The following G3BP1 variants were observed in gnomAD, a reference collection of about 807,000 sequenced individuals.
The protein encoded by G3BP1 is G3BP stress granule assembly factor 1, also known as ras GTPase-activating protein-binding protein 1.
G3BP1 carries 35 observed loss-of-function variants against 58.6 expected under a neutral mutation model. That is an observed-to-expected ratio of 0.60 (90% CI 0.46 to 0.79). The LOEUF is 0.79. Ranked by LOEUF, G3BP1 falls within the 30% of genes least tolerant of loss-of-function variation. G3BP1 has a pLI of 0.00. For missense variants in G3BP1, 523 were observed against 580.8 expected (o/e 0.90, Z 1.02); for synonymous variants, 191 against 195.4 (o/e 0.98, Z 0.19).
intron 1 of G3BP1, among the ~76,000 whole-genome samples, chr5:151,781,404 A>G (rs537581744): frequency 6.6e-6 from 1 of 152,342 alleles, no homozygotes; most frequent in East Asian, 1.9e-4. Flanking sequence ...TCTGCTTACA[A>G]CACTGTGTGA....
At position 151,807,705 on chromosome 5, in the gene G3BP1, C is replaced by T. The variant is rs910943835; in HGVS notation, c.*3614C>T. ...TAAACTGTCACCTTCTGATACTTTT[C>T]TTCATCCCTCTATTTGAAAAACCCT... On this transcript the variant is annotated 3_prime_UTR_variant, in exon 12 of 12. Coordinates refer to ENST00000356245, the MANE Select transcript of G3BP1 (RefSeq NM_005754.3). 8 of 152,012 alleles carry T rather than the reference C, an allele frequency of 5.3e-5. No individual in the cohort carries two copies. 9.4% of individuals were successfully genotyped at this position (152,012 alleles called of 1,614,324 possible). A position where few individuals can be genotyped will look rare whatever the true frequency, so the allele number is the denominator to read the frequency against.
At chr5:151,777,890 C>T (rs1319049059) in intron 1 of G3BP1, among the ~76,000 whole-genome samples, 2 of 148,740 alleles carry the variant, frequency 1.3e-5, no homozygotes, top group Non-Finnish European at 2.9e-5. Flanking sequence ...GATTACTTTG[C>T]GTTTTTTAGA....
chr5:151,802,691 T>C (rs1440114246), intron 11 of G3BP1, among the ~76,000 whole-genome samples: 1 of 152,210 alleles, frequency 6.6e-6, no homozygotes, highest in Non-Finnish European at 1.5e-5. Context: ...CCCAGCACTT[T>C]GGGAGGCCGA....
chr5:151,786,098 C>G (rs1196208778), intron 1 of G3BP1, among the ~76,000 whole-genome samples: 1 of 152,156 alleles, frequency 6.6e-6, no homozygotes, highest in Non-Finnish European at 1.5e-5. Flanking sequence ...TTGAGACCAG[C>G]CTGGATAACA....
At chr5:151,778,261 T>C (rs1229610848) in intron 1 of G3BP1, among the ~76,000 whole-genome samples, 1 of 152,200 alleles carries the variant, frequency 6.6e-6, no homozygotes, top group Non-Finnish European at 1.5e-5. Context: ...GCTAACAGTG[T>C]GTATGGTCAG....
chr5:151,797,467 A>T lies in G3BP1; in HGVS notation c.741+39A>T, dbSNP rs370787939. 1.7e-5 allele frequency: 27 copies of T among 1,552,138 alleles called. No individual in the cohort carries two copies. In the African/African-American group the frequency reaches 2.8e-4, roughly 16 times the overall value. The stretch of plus-strand genomic sequence containing the variant: ...CTTCATTTTTATTCTATTCCTAGTT[A>T]TTTTTTTTAAAAAAAGTTTCTGTTC... On this transcript the variant is annotated intron_variant, in intron 7 of 11. Coordinates refer to ENST00000356245, the MANE Select transcript of G3BP1 (RefSeq NM_005754.3).
intron 10 of G3BP1, 43 bp from the exon 11 acceptor site, chr5:151,800,717 A>G (rs770829365): frequency 1.7e-6 from 2 of 1,168,080 alleles, no homozygotes; most frequent in African/African-American, 3.0e-5. Flanking sequence ...ATGTTTAAAG[A>G]TAATGGTCTA....
Position 151,797,308 on chromosome 5 carries a change from A to G in G3BP1, c.621A>G (p.Val207=), listed in dbSNP as rs767246139. The G allele has an allele frequency of 1.9e-6, 3 of 1,613,580 alleles. No homozygotes were observed. Among genetic ancestry groups the G allele is most frequent in the Non-Finnish European group, 2.5e-6 (3 of 1,179,606 alleles). The change falls in exon 7 of 12, where the codon GTA becomes GTG. Residue 207 remains valine, a synonymous_variant. Transcript: ENST00000356245. ...AACCAGAACCAGAACAAGAACCTGT[A>G]TCTGAAATCCAAGAGGAAAAGCCTG... ...DPEPEPEQEP[V]SEIQEEKPEP... is the part of the protein sequence containing the mutation.
chr5:151,795,457 T>A, intron 5 of G3BP1, 22 bp from the exon 6 acceptor site: 1 of 1,270,818 alleles, frequency 7.9e-7, no homozygotes, highest in Non-Finnish European at 1.1e-6. Flanking sequence ...CAAATTACTT[T>A]AAATATCTTT....
chr5:151,799,070 G>T, intron 7 of G3BP1, 142 bp from the exon 8 acceptor site: 1 of 587,980 alleles, frequency 1.7e-6, no homozygotes, highest in Admixed American at 3.2e-5. Context: ...TGAAAGAGAA[G>T]AATCTTAATA....
At chr5:151,788,078 C>T (rs1420225873) in intron 2 of G3BP1, among the ~76,000 whole-genome samples, 5 of 152,048 alleles carry the variant, frequency 3.3e-5, no homozygotes, top group African/African-American at 1.2e-4. Flanking sequence ...TGCAATCCAC[C>T]ACGCCCAGCT....
chr5:151,776,601 A>G (rs776556166), intron 1 of G3BP1, among the ~76,000 whole-genome samples: 1 of 152,072 alleles, frequency 6.6e-6, no homozygotes, highest in Non-Finnish European at 1.5e-5. Flanking sequence ...CTTCTACAGT[A>G]TAAATTTTCT....
rs1762936846 is a variant in G3BP1, at chr5:151,806,225, G to T, written c.*2134G>T. The T allele has an allele frequency of 6.6e-6, 1 of 152,192 alleles. No homozygotes were observed. The allele number at this position is 152,192 out of a possible 1,614,324, so 9.4% of individuals were successfully genotyped here. On this transcript the variant is annotated 3_prime_UTR_variant, in exon 12 of 12. Transcript: ENST00000356245. ...AACTGGAATGAAGACTCATTCTTTTGAAACTCAGCCTCAGATAAATAACAA... is the reference window on the plus strand; with the variant it reads ...AACTGGAATGAAGACTCATTCTTTTTAAACTCAGCCTCAGATAAATAACAA...
In G3BP1 at chr5:151,810,005, C is replaced by T. The variant is rs1762994649; in HGVS notation, c.*5914C>T. On this transcript the variant is annotated 3_prime_UTR_variant, in exon 12 of 12. Coordinates refer to ENST00000356245, the MANE Select transcript of G3BP1 (RefSeq NM_005754.3). The stretch of plus-strand genomic sequence containing the variant: ...ACTCAGCTGTAATTTCTCCTAAATA[C>T]TTCAGCATTTTGCATTCTGTACATT... 6.6e-6 allele frequency: 1 copy of T among 152,188 alleles called. No homozygotes were observed. Among genetic ancestry groups the T allele is most frequent in the African/African-American group, 2.4e-5 (1 of 41,446 alleles). The allele number at this position is 152,188 out of a possible 1,614,324, so 9.4% of individuals were successfully genotyped here.
At chr5:151,790,600 A>G (rs949959884) in intron 3 of G3BP1, among the ~76,000 whole-genome samples, 196 bp downstream of exon 3, 1 of 152,212 alleles carries the variant, frequency 6.6e-6, no homozygotes, top group Non-Finnish European at 1.5e-5. Flanking sequence ...TTAATTTTGT[A>G]TGATATATTC....
Position 151,805,440 on chromosome 5 carries a change from G to C in G3BP1, c.*1349G>C, listed in dbSNP as rs557941889. The C allele has an allele frequency of 3.3e-5, 5 of 152,528 alleles. No individual in the cohort carries two copies. In the South Asian group the frequency reaches 1.0e-3, roughly 32 times the overall value. The allele number at this position is 152,528 out of a possible 1,614,324, so 9.4% of individuals were successfully genotyped here. On this transcript the variant is annotated 3_prime_UTR_variant, in exon 12 of 12. Transcript: ENST00000356245. ...AGATGGGTGAAGGTTTTGTTTACAC[G>C]TGTGAAACAAACTTTTGTGTGATTG...
chr5:151,793,452 A>G (rs1162179154), intron 4 of G3BP1, among the ~76,000 whole-genome samples: 5 of 152,166 alleles, frequency 3.3e-5, no homozygotes, highest in Admixed American at 2.6e-4. Flanking sequence ...GGGCTGTGGC[A>G]TTTACATGCT....
At position 151,804,091 on chromosome 5, in the gene G3BP1, AATCTTCATGG is replaced by A. The variant is rs765766728; in HGVS notation, c.*10_*19del. ...GAAGGGGGCTTGCGCCACGGCAGTG[AATCTTCATGG>A]ATCTTCATGCAGCCATACAAACCCT... On this transcript the variant is annotated 3_prime_UTR_variant, in exon 12 of 12. Transcript: ENST00000356245. 1.3e-6 allele frequency: 2 copies of A among 1,589,600 alleles called. No individual in the cohort carries two copies. Among genetic ancestry groups the A allele is most frequent in the Non-Finnish European group, 1.7e-6 (2 of 1,164,736 alleles).
chr5:151,802,716 G>A (rs529806650), intron 11 of G3BP1, among the ~76,000 whole-genome samples: 218 of 151,842 alleles, frequency 1.4e-3, no homozygotes, highest in African/African-American at 5.1e-3. Context: ...GGCGGATCAC[G>A]AGGTCAGGAG....
Sources: allele counts gnomAD v4.1 joint callset (sites outside exome capture counted in the v4.1 genomes callset), GRCh38; gene constraint gnomAD v4.1.1; transcripts MANE v1.5; gene names NCBI Gene and HGNC (gene_info 2026-07-23, HGNC 2026-07-21).